The following ENTPD7 variants were observed in gnomAD, a reference collection of about 807,000 sequenced individuals.
ENTPD7 encodes ectonucleoside triphosphate diphosphohydrolase 7.
Under a neutral mutation model 77.9 loss-of-function variants are expected in ENTPD7, and 53 were observed. That is an observed-to-expected ratio of 0.68 (90% CI 0.55 to 0.85). The LOEUF (loss-of-function observed/expected upper bound fraction) is 0.85, where lower values mean the gene tolerates loss of function less well. Ranked by LOEUF, ENTPD7 falls within the 40% of genes least tolerant of loss-of-function variation. ENTPD7 has a pLI of 0.00. For missense variants in ENTPD7, 636 were observed against 743.7 expected, an observed-to-expected ratio of 0.86 and a Z score of 1.68; for synonymous variants, 248 against 274.9, an observed-to-expected ratio of 0.90 and a Z score of 0.97.
At chr10:99,676,792 T>G (rs2035686687) in intron 3 of ENTPD7, among the ~76,000 whole-genome samples, 4 of 152,204 alleles carry the variant, frequency 2.6e-5, no homozygotes, top group Admixed American at 2.0e-4. Flanking sequence ...AGAAACTTTC[T>G]GTTATGTAAC....
chr10:99,671,872 C>A (rs990126999), intron 3 of ENTPD7, among the ~76,000 whole-genome samples: 2 of 152,164 alleles, frequency 1.3e-5, no homozygotes, highest in African/African-American at 2.4e-5. Flanking sequence ...TCTGTGTCAG[C>A]AATTGGCTTG....
chr10:99,660,112 A>C, intron 2 of ENTPD7, 148 bp downstream of exon 2: 1 of 1,291,392 alleles, frequency 7.7e-7, no homozygotes, highest in Non-Finnish European at 1.1e-6. Context: ...GAGACGATCA[A>C]AGTTGTATTA....
chr10:99,703,995 T>G (rs533735316), intron 12 of ENTPD7, among the ~76,000 whole-genome samples: 11 of 152,168 alleles, frequency 7.2e-5, no homozygotes, highest in Non-Finnish European at 1.6e-4. Context: ...CAAAGTGCTT[T>G]GATTACAAGC....
chr10:99,693,330 A>G (rs1452643076), intron 8 of ENTPD7, among the ~76,000 whole-genome samples: 1 of 152,228 alleles, frequency 6.6e-6, no homozygotes, highest in African/African-American at 2.4e-5. Flanking sequence ...TATATGTCAG[A>G]ATATCCACAG....
chr10:99,702,380 A>C, intron 11 of ENTPD7, 132 bp from the exon 12 acceptor site: 1 of 677,394 alleles, frequency 1.5e-6, no homozygotes, highest in Non-Finnish European at 2.4e-6. Flanking sequence ...TAACCCACTT[A>C]GAGGTGAGGA....
At chr10:99,666,409 A>G (rs1438722360) in intron 3 of ENTPD7, among the ~76,000 whole-genome samples, 1 of 152,072 alleles carries the variant, frequency 6.6e-6, no homozygotes, top group African/African-American at 2.4e-5. Context: ...GGGTTTCACC[A>G]TGTTGGCCAG....
At chr10:99,679,515 G>A (rs767318319) in intron 4 of ENTPD7, 49 bp downstream of exon 4, 1 of 1,541,400 alleles carries the variant, frequency 6.5e-7, no homozygotes, top group Non-Finnish European at 8.7e-7. Flanking sequence ...AGGCATGAAA[G>A]AGGAGACAAA....
chr10:99,661,227 C>T (rs543456180), intron 2 of ENTPD7, among the ~76,000 whole-genome samples: 1 of 152,224 alleles, frequency 6.6e-6, no homozygotes, highest in Admixed American at 6.5e-5. Context: ...TTGAATTGCA[C>T]TCAAAGTGCA....
intron 3 of ENTPD7, among the ~76,000 whole-genome samples, chr10:99,675,421 TA>T (rs1490836693): frequency 2.0e-5 from 3 of 152,040 alleles, no homozygotes; most frequent in African/African-American, 7.2e-5. Context: ...TAGATGATGT[TA>T]TGAAATCATG....
chr10:99,677,677 GTATT>G (rs1237168966), intron 3 of ENTPD7, among the ~76,000 whole-genome samples: 2 of 152,124 alleles, frequency 1.3e-5, no homozygotes, highest in Admixed American at 6.5e-5. Flanking sequence ...GTGCTCAGAA[GTATT>G]TTAATCAACT....
chr10:99,660,430 C>T (rs1267065949), intron 2 of ENTPD7: 1 of 1,029,224 alleles, frequency 9.7e-7, no homozygotes, highest in South Asian at 1.4e-5. Context: ...GATCTACATG[C>T]ACCAATAAGG....
intron 10 of ENTPD7, 92 bp downstream of exon 10, chr10:99,698,950 A>C: frequency 8.4e-7 from 1 of 1,190,254 alleles, no homozygotes; most frequent in Non-Finnish European, 1.2e-6. Flanking sequence ...AGGGCTTTGC[A>C]TACAGAATCT....
At position 99,702,747 on chromosome 10, in the gene ENTPD7, CTTT is replaced by C. The variant is rs1262699071; in HGVS notation, c.1583+83_1583+85del. 1.3e-5 allele frequency: 15 copies of C among 1,125,932 alleles called. 1 individual carries two copies. The South Asian group carries it at 2.4e-4, about 18-fold the overall frequency. The allele number at this position is 1,125,932 out of a possible 1,614,324, so 69.7% of individuals were successfully genotyped here. On this transcript the variant is annotated intron_variant, in intron 12 of 12. Transcript: ENST00000370489. Reference sequence around the variant, plus strand: ...TTGATGCCTCAGAATCGGTTTCTTTCTTTTTTTTTTTAACCAGCTTAGAATAGG... The same window carrying C: ...TTGATGCCTCAGAATCGGTTTCTTTCTTTTTTTTAACCAGCTTAGAATAGG...
rs532975247 is a variant in ENTPD7 at position 99,710,485 on chromosome 10, T to C, written c.*5802T>C. The C allele has an allele frequency of 9.1e-5, 90 of 985,348 alleles. No homozygotes were observed. The highest frequency in any genetic ancestry group is 1.0e-4 in the Non-Finnish European group (86 of 829,952). 61.0% of individuals were successfully genotyped at this position (985,348 alleles called of 1,614,324 possible). The stretch of plus-strand genomic sequence containing the variant: ...AAACCAAAGGCTGCCTGTATTACAT[T>C]GCTTTGGGGAGTTGTTAAGACTCTG... On this transcript the variant is annotated 3_prime_UTR_variant, in exon 13 of 13. Coordinates refer to ENST00000370489, the MANE Select transcript of ENTPD7 (RefSeq NM_020354.5).
intron 3 of ENTPD7, among the ~76,000 whole-genome samples, chr10:99,675,457 C>G (rs1383730056): frequency 2.2e-5 from 3 of 139,228 alleles, no homozygotes; most frequent in African/African-American, 8.1e-5. Context: ...ATTCAAAGTG[C>G]ATGTTAAACC....
rs755753985 is a variant in ENTPD7, at chr10:99,691,519, G to A, written c.843+1G>A. 3 of 1,612,658 alleles carry A rather than the reference G, an allele frequency of 1.9e-6. No homozygotes were observed. The South Asian group carries it at 3.3e-5, about 18-fold the overall frequency. Reference sequence around the variant, plus strand: ...AACCTCTGTCCTTCCTGCAAAGCAGGTACTTTACCTTTTAGGGAAATTTAG... The same window carrying A: ...AACCTCTGTCCTTCCTGCAAAGCAGATACTTTACCTTTTAGGGAAATTTAG... On this transcript the variant is annotated splice_donor_variant, in intron 8 of 12. Transcript: ENST00000370489. LOFTEE classifies it high-confidence loss of function.
rs1225951605 is a variant in ENTPD7 at position 99,709,465 on chromosome 10, C to G, written c.*4782C>G. Reference sequence around the variant, plus strand: ...ACTTGTGAGGATTTTCCTGGTGTTACAAAAAATATTGCTGTTAAAAAACTA... The same window carrying G: ...ACTTGTGAGGATTTTCCTGGTGTTAGAAAAAATATTGCTGTTAAAAAACTA... On this transcript the variant is annotated 3_prime_UTR_variant, in exon 13 of 13. Coordinates refer to ENST00000370489, the MANE Select transcript of ENTPD7 (RefSeq NM_020354.5). The G allele has an allele frequency of 1.0e-6, 1 of 985,152 alleles. No homozygotes were observed. The highest frequency in any genetic ancestry group is 1.7e-5 in the African/African-American group (1 of 57,182). The allele number at this position is 985,152 out of a possible 1,614,324, so 61.0% of individuals were successfully genotyped here. A position where few individuals can be genotyped will look rare whatever the true frequency, so the allele number is the denominator to read the frequency against.
In ENTPD7 at chr10:99,705,563, T is replaced by A. The variant is rs1401147127; in HGVS notation, c.*880T>A. ...TTGTGAGCCCTTACACAGGAAGATATAAAGAGAGTTCTTTCATTTCACTGC... is the reference window on the plus strand; with the variant it reads ...TTGTGAGCCCTTACACAGGAAGATAAAAAGAGAGTTCTTTCATTTCACTGC... On this transcript the variant is annotated 3_prime_UTR_variant, in exon 13 of 13. Transcript: ENST00000370489. 6.6e-6 allele frequency: 1 copy of A among 152,200 alleles called. No individual in the cohort carries two copies. 9.4% of individuals were successfully genotyped at this position (152,200 alleles called of 1,614,324 possible). A position where few individuals can be genotyped will look rare whatever the true frequency, so the allele number is the denominator to read the frequency against.
At position 99,704,671 on chromosome 10, in the gene ENTPD7, G is replaced by A. The variant is rs1169824820; in HGVS notation, c.1803G>A (p.Gln601=). The A allele has an allele frequency of 6.2e-7, 1 of 1,613,570 alleles. No homozygotes were observed. Among genetic ancestry groups the A allele is most frequent in the South Asian group, 1.1e-5 (1 of 91,004 alleles). ...LEEVVPMMGV[Q]VGP is the part of the protein sequence containing the mutation. ...AGGTGGTGCCCATGATGGGAGTACA[G>A]GTGGGGCCGTGAGGCTGGACCAGGA... Residue 601 remains glutamine (Q), a synonymous_variant, in exon 13 of 13, where the codon CAG becomes CAA. Coordinates refer to ENST00000370489, the MANE Select transcript of ENTPD7 (RefSeq NM_020354.5).
Sources: allele counts gnomAD v4.1 joint callset (sites outside exome capture counted in the v4.1 genomes callset), GRCh38; gene constraint gnomAD v4.1.1; transcripts MANE v1.5; gene names NCBI Gene and HGNC (gene_info 2026-07-23, HGNC 2026-07-21).